Variants in CSMD1 observed in about 807,000 individuals in gnomAD.
CSMD1 encodes CUB and Sushi multiple domains 1.
CSMD1 carries 213 observed loss-of-function variants against 417.5 expected under a neutral mutation model. The observed-to-expected ratio is 0.51, with a 90% CI of 0.46 to 0.57. The LOEUF (loss-of-function observed/expected upper bound fraction) is 0.57. CSMD1 is among the 20% of genes least tolerant of loss of function. The pLI is 0.00. For synonymous variants in CSMD1, 2,862 were observed against 1,736.8 expected, an observed-to-expected ratio of 1.65 and a Z score of -16.11; for missense variants, 6,923 against 4,529.7, an observed-to-expected ratio of 1.53 and a Z score of -15.17.
intron 67 of CSMD1, 31 bp downstream of exon 67, chr8:2,950,200 G>C (rs772191931): frequency 1.5e-6 from 2 of 1,362,334 alleles, no homozygotes; most frequent in Non-Finnish European, 1.1e-6. Context: ...GAAAGCCTGT[G>C]CTTTGTCACA....
rs574313253 is a variant in CSMD1 at position 4,371,193 on chromosome 8, C to T, written c.415+48760G>A. On this transcript the variant is annotated intron_variant, in intron 3 of 69. Transcript: ENST00000635120. ...TTTCTGGATACTTTAGGGGTCAAGG[C>T]TCAGCTCCACACTGCTGGGCTACAT... Among the ~76,000 whole-genome samples, 4 of 152,234 alleles carry T rather than the reference C, an allele frequency of 2.6e-5. No individual in the cohort carries two copies. The East Asian group carries it at 7.7e-4, about 29-fold the overall frequency.
At chr8:3,182,845 T>G (rs865810539) in intron 36 of CSMD1, 40 of 80,832 alleles carry the variant, frequency 4.9e-4, no homozygotes, top group African/African-American at 1.4e-3. Context: ...TAAGAAGGTG[T>G]GTGTGTGTGT....
At chr8:4,039,762 C>T (rs1029407453) in intron 3 of CSMD1, among the ~76,000 whole-genome samples, 6 of 152,130 alleles carry the variant, frequency 3.9e-5, no homozygotes, top group Non-Finnish European at 8.8e-5. Flanking sequence ...TGGGGGAAGT[C>T]GTTGTGGCAA....
intron 3 of CSMD1, among the ~76,000 whole-genome samples, chr8:4,043,163 C>G (rs1285360753): frequency 1.3e-5 from 2 of 151,960 alleles, no homozygotes; most frequent in East Asian, 1.9e-4. Context: ...AAAAAAGCAG[C>G]AGTATAACAT....
At chr8:4,184,530 C>G (rs1038391979) in intron 3 of CSMD1, among the ~76,000 whole-genome samples, 1 of 151,876 alleles carries the variant, frequency 6.6e-6, no homozygotes, top group African/African-American at 2.4e-5. Context: ...ACTATGCAGC[C>G]ATAAAAAAGG....
intron 3 of CSMD1, among the ~76,000 whole-genome samples, chr8:4,188,655 C>G (rs965164747): frequency 3.3e-4 from 50 of 152,154 alleles, no homozygotes; most frequent in African/African-American, 1.2e-3. Flanking sequence ...AAAATGAAAA[C>G]TCTCATAAAA....
rs1554454589 is a variant in CSMD1, at chr8:3,182,693, GTA to G, written c.5621-1481_5621-1480del. 9.8e-5 allele frequency among the ~76,000 whole-genome samples: 12 copies of G among 122,886 alleles called. 1 individual carries two copies. Among genetic ancestry groups the G allele is most frequent in the African/African-American group, 2.1e-4 (7 of 33,764 alleles). The allele number at this position is 122,886 out of a possible 152,430, so 80.6% of individuals were successfully genotyped here. ...TAAGAAGCTGTGTGTGTGTGTGTGT[GTA>G]TGTGTGTGTATTGTTAGTAGAGAAG... On this transcript the variant is annotated intron_variant, in intron 36 of 69. Transcript: ENST00000635120.
At chr8:4,099,640 G>T (rs1336654404) in intron 3 of CSMD1, among the ~76,000 whole-genome samples, 1 of 151,572 alleles carries the variant, frequency 6.6e-6, no homozygotes, top group East Asian at 1.9e-4. Context: ...ACTTTCTTGG[G>T]TTCAGAATAA....
chr8:3,666,800 C>T (rs903287996), intron 7 of CSMD1, among the ~76,000 whole-genome samples: 4 of 151,910 alleles, frequency 2.6e-5, no homozygotes, highest in African/African-American at 9.7e-5. Context: ...ATTGTGAGGC[C>T]TCCTCAGCCA....
In CSMD1 at chr8:4,745,565, T is replaced by C. The variant is rs889448580; in HGVS notation, c.86-108007A>G. 6.6e-5 allele frequency among the ~76,000 whole-genome samples: 10 copies of C among 152,138 alleles called. No homozygotes were observed. The South Asian group carries it at 1.7e-3, about 25-fold the overall frequency. On this transcript the variant is annotated intron_variant, in intron 1 of 69. Coordinates refer to ENST00000635120, the MANE Select transcript of CSMD1 (RefSeq NM_033225.6). ...TCATCTGACTATTCACTTATTGAAA[T>C]GTAGCAGACATTTCTTAGATGCTAG... is the stretch of plus-strand genomic sequence containing the variant.
At chr8:3,857,948 A>G (rs1237695424) in intron 5 of CSMD1, among the ~76,000 whole-genome samples, 1 of 152,192 alleles carries the variant, frequency 6.6e-6, no homozygotes, top group East Asian at 1.9e-4. Context: ...TAAAGCCTAC[A>G]CTGCATGGTG....
chr8:4,044,206 T>C (rs367739158), intron 3 of CSMD1, among the ~76,000 whole-genome samples: 1 of 152,196 alleles, frequency 6.6e-6, no homozygotes, highest in African/African-American at 2.4e-5. Flanking sequence ...ATCTGCACAA[T>C]AACTGCTGTT....
At chr8:4,431,677 T>G (rs1032329551) in intron 2 of CSMD1, among the ~76,000 whole-genome samples, 2 of 152,066 alleles carry the variant, frequency 1.3e-5, no homozygotes, top group South Asian at 2.1e-4. Flanking sequence ...GATAGAGGAA[T>G]GAAACAAAAG....
At chr8:3,068,569 T>C (rs554138905) in intron 49 of CSMD1, among the ~76,000 whole-genome samples, 1 of 152,332 alleles carries the variant, frequency 6.6e-6, no homozygotes, top group East Asian at 1.9e-4. Context: ...TTGGCTCATG[T>C]TTCTGCAGGC....
intron 1 of CSMD1, among the ~76,000 whole-genome samples, chr8:4,653,801 C>T (rs1010827917): frequency 6.6e-6 from 1 of 152,084 alleles, no homozygotes; most frequent in African/African-American, 2.4e-5. Context: ...TGAAGGGAGG[C>T]ATTTGCAAAT....
intron 2 of CSMD1, among the ~76,000 whole-genome samples, chr8:4,603,156 T>G (rs1351778945): frequency 6.6e-6 from 1 of 152,096 alleles, no homozygotes; most frequent in African/African-American, 2.4e-5. Context: ...TATTAATTAC[T>G]TTAAGAAAAT....
chr8:3,307,006 TG>T (rs1475962919), intron 25 of CSMD1, among the ~76,000 whole-genome samples: 3 of 147,064 alleles, frequency 2.0e-5, no homozygotes, highest in Non-Finnish European at 3.0e-5. Context: ...AGTACTTTCT[TG>T]GTCTACCTCA....
intron 29 of CSMD1, among the ~76,000 whole-genome samples, chr8:3,218,602 T>G (rs1303035199): frequency 6.7e-6 from 1 of 149,142 alleles, no homozygotes; most frequent in Non-Finnish European, 1.5e-5. Context: ...CTGGGCACGG[T>G]GACTCACGTC....
intron 2 of CSMD1, among the ~76,000 whole-genome samples, chr8:4,456,825 G>A (rs946295987): frequency 3.3e-4 from 50 of 151,926 alleles, no homozygotes; most frequent in African/African-American, 1.2e-3. Context: ...TGAGCCAGTG[G>A]GTACCTGCAG....
Sources: allele counts gnomAD v4.1 joint callset (sites outside exome capture counted in the v4.1 genomes callset), GRCh38; gene constraint gnomAD v4.1.1; transcripts MANE v1.5; gene names NCBI Gene and HGNC (gene_info 2026-07-23, HGNC 2026-07-21).